The following TNKS variants were observed in gnomAD, a reference collection of about 807,000 sequenced individuals.
The protein encoded by TNKS is tankyrase.
In TNKS, 72 loss-of-function variants were observed where a neutral mutation model predicts 135.8. The observed-to-expected ratio is 0.53, with a 90% CI of 0.44 to 0.64. The LOEUF is 0.64. TNKS is among the 30% of genes least tolerant of loss of function. TNKS has a pLI of 0.00. For missense variants in TNKS, 1,769 were observed against 1,674.0 expected (o/e 1.06, Z -0.99); for synonymous variants, 849 against 649.3 (o/e 1.31, Z -4.68).
At chr8:9,575,246 A>C (rs1359486498) in intron 1 of TNKS, 7 of 490,234 alleles carry the variant, frequency 1.4e-5, no homozygotes, top group Non-Finnish European at 1.9e-5. Flanking sequence ...GCCACCACGC[A>C]GGGCTAATTT....
chr8:9,660,004 C>T (rs187102777), intron 3 of TNKS, among the ~76,000 whole-genome samples: 4 of 152,266 alleles, frequency 2.6e-5, no homozygotes, highest in African/African-American at 7.2e-5. Context: ...GGATAAATTC[C>T]TCGACACATA....
intron 16 of TNKS, 69 bp downstream of exon 16, chr8:9,735,153 C>A: frequency 6.8e-7 from 1 of 1,469,924 alleles, no homozygotes; most frequent in Non-Finnish European, 9.2e-7. Flanking sequence ...TACTAAAAGA[C>A]GAAAGCCATG....
chr8:9,658,307 G>A lies in TNKS; in HGVS notation c.995-21644G>A, dbSNP rs1801518375. ...AGGCAGGCGGCTGCTCCTTGCCCTC[G>A]GGCCCCGCGGGGCCCGTCCGCTCCT... On this transcript the variant is annotated intron_variant, in intron 3 of 26. Transcript: ENST00000310430. 2.4e-5 allele frequency: 13 copies of A among 543,278 alleles called. 1 individual carries two copies. The highest frequency in any genetic ancestry group is 1.6e-4 in the South Asian group (4 of 24,834). 33.7% of individuals were successfully genotyped at this position (543,278 alleles called of 1,614,324 possible).
At chr8:9,648,117 G>A (rs891250402) in intron 3 of TNKS, among the ~76,000 whole-genome samples, 9 of 152,178 alleles carry the variant, frequency 5.9e-5, no homozygotes, top group Admixed American at 3.3e-4. Flanking sequence ...GGGTGAGTCC[G>A]TGAGTGAGTG....
intron 2 of TNKS, among the ~76,000 whole-genome samples, chr8:9,611,516 A>G (rs560415421): frequency 8.3e-4 from 126 of 152,330 alleles, no homozygotes; most frequent in African/African-American, 2.8e-3. Context: ...ATTTTACAAG[A>G]TAAATTTCTA....
At chr8:9,676,276 G>A (rs934725464) in intron 3 of TNKS, among the ~76,000 whole-genome samples, 6 of 152,148 alleles carry the variant, frequency 3.9e-5, no homozygotes, top group Admixed American at 1.3e-4. Flanking sequence ...GCCTCCCAGT[G>A]TGTTGGGATT....
intron 2 of TNKS, among the ~76,000 whole-genome samples, chr8:9,610,556 A>G (rs995251692): frequency 6.6e-5 from 10 of 152,116 alleles, no homozygotes; most frequent in Admixed American, 5.9e-4. Flanking sequence ...CTGTAGTGAA[A>G]GTTTAGTCCT....
At chr8:9,689,325 CTAATT>C (rs1000949464) in intron 5 of TNKS, among the ~76,000 whole-genome samples, 7 of 152,032 alleles carry the variant, frequency 4.6e-5, no homozygotes, top group Non-Finnish European at 1.0e-4. Context: ...TTTTCAGTGA[CTAATT>C]TAAAGAAATG....
chr8:9,753,165 C>G (rs1046894032), intron 20 of TNKS, among the ~76,000 whole-genome samples: 1 of 152,116 alleles, frequency 6.6e-6, no homozygotes, highest in Non-Finnish European at 1.5e-5. Context: ...CATTTTATTA[C>G]ATGTCAAAAC....
intron 3 of TNKS, among the ~76,000 whole-genome samples, chr8:9,633,095 T>G (rs573910526): frequency 2.0e-5 from 3 of 151,924 alleles, no homozygotes; most frequent in African/African-American, 7.3e-5. Context: ...GGTACATTAC[T>G]GCTTACATTA....
At chr8:9,763,291 G>A in intron 22 of TNKS, 47 bp downstream of exon 22, 7 of 1,319,868 alleles carry the variant, frequency 5.3e-6, no homozygotes, top group Non-Finnish European at 7.5e-6. Flanking sequence ...GAAATCTGTG[G>A]ATAAACCTCT....
intron 5 of TNKS, among the ~76,000 whole-genome samples, chr8:9,686,465 T>C (rs1803002950): frequency 6.6e-6 from 1 of 152,146 alleles, no homozygotes; most frequent in South Asian, 2.1e-4. Flanking sequence ...TTGGGGTGGT[T>C]TGTTATGTAG....
intron 26 of TNKS, chr8:9,772,244 C>CTT (rs1807949350): frequency 5.4e-6 from 2 of 372,934 alleles, no homozygotes; most frequent in Admixed American, 7.0e-5. Flanking sequence ...TTATTACAGA[C>CTT]TTACTTTCAA....
intron 3 of TNKS, among the ~76,000 whole-genome samples, chr8:9,677,799 G>C (rs778527109): frequency 1.3e-5 from 2 of 151,910 alleles, no homozygotes; most frequent in Non-Finnish European, 2.9e-5. Context: ...TCTCTGTCTC[G>C]TCCATACCCA....
At chr8:9,627,465 C>A (rs1395791621) in intron 3 of TNKS, among the ~76,000 whole-genome samples, 1 of 152,094 alleles carries the variant, frequency 6.6e-6, no homozygotes, top group Admixed American at 6.5e-5. Context: ...GAGCCCTCAA[C>A]TTGTGGCATC....
intron 3 of TNKS, among the ~76,000 whole-genome samples, chr8:9,630,711 G>C (rs76977398): frequency 0.087 from 13,174 of 152,138 alleles, 600 homozygotes; most frequent in South Asian, 0.17. Flanking sequence ...AAATTACAGA[G>C]AATCACTTGT....
intron 11 of TNKS, among the ~76,000 whole-genome samples, chr8:9,711,559 G>C (rs1292971672): frequency 6.6e-6 from 1 of 152,190 alleles, no homozygotes; most frequent in African/African-American, 2.4e-5. Context: ...TGGTTATTTT[G>C]TGAAGTAGTA....
At chr8:9,613,204 C>T (rs4841182) in intron 2 of TNKS, among the ~76,000 whole-genome samples, 43,842 of 152,048 alleles carry the variant, frequency 0.29, 6,638 homozygotes, top group East Asian at 0.39. Flanking sequence ...ATCAGGCCTA[C>T]TACAGAAAGA....
At chr8:9,660,342 A>C (rs547539806) in intron 3 of TNKS, among the ~76,000 whole-genome samples, 2 of 152,316 alleles carry the variant, frequency 1.3e-5, no homozygotes, top group East Asian at 3.9e-4. Flanking sequence ...TCCTCAATAA[A>C]ATACTGGCAA....
Sources: gnomAD v4.1 joint callset for allele counts (sites outside exome capture counted in the v4.1 genomes callset) on GRCh38, gnomAD v4.1.1 for gene constraint, MANE v1.5 for transcripts, NCBI Gene and HGNC (gene_info 2026-07-23, HGNC 2026-07-21) for gene names.